The following PCDHGA7 variants were observed in gnomAD, a reference collection of about 807,000 sequenced individuals.
The protein encoded by PCDHGA7 is protocadherin gamma subfamily A, 7, also known as protocadherin gamma-A7.
In PCDHGA7, 44 loss-of-function variants were observed where a neutral mutation model predicts 58.3. That is an observed-to-expected ratio of 0.75 (90% CI 0.59 to 0.97). The LOEUF (loss-of-function observed/expected upper bound fraction) is 0.97, where lower values mean the gene tolerates loss of function less well. PCDHGA7 is among the 50% of genes least tolerant of loss of function. The pLI is 0.00. For synonymous variants in PCDHGA7, 516 were observed against 504.2 expected, an observed-to-expected ratio of 1.02 and a Z score of -0.31; for missense variants, 1,266 against 1,188.7, an observed-to-expected ratio of 1.06 and a Z score of -0.96.
intron 1 of PCDHGA7, chr5:141,414,258 TG>T: frequency 6.2e-7 from 1 of 1,613,492 alleles, no homozygotes; most frequent in Non-Finnish European, 8.5e-7. Flanking sequence ...GTCCAGTGAC[TG>T]AAGATTCACC....
At chr5:141,447,549 A>T (rs1387130901) in intron 1 of PCDHGA7, among the ~76,000 whole-genome samples, 1 of 152,216 alleles carries the variant, frequency 6.6e-6, no homozygotes, top group Non-Finnish European at 1.5e-5. Context: ...TAATGTTATG[A>T]GTACACTTGG....
chr5:141,499,423 G>GA (rs1229901490), intron 2 of PCDHGA7, among the ~76,000 whole-genome samples: 1 of 151,754 alleles, frequency 6.6e-6, no homozygotes, highest in Non-Finnish European at 1.5e-5. Flanking sequence ...ATGAAAAATA[G>GA]AAAAAAAATT....
chr5:141,422,836 G>A, intron 1 of PCDHGA7: 1 of 1,614,250 alleles, frequency 6.2e-7, no homozygotes, highest in Middle Eastern at 1.6e-4. Flanking sequence ...GATAGCACGT[G>A]ACAGCGGGGA....
intron 1 of PCDHGA7, chr5:141,409,843 C>G: frequency 6.2e-7 from 1 of 1,611,804 alleles, no homozygotes; most frequent in Non-Finnish European, 8.5e-7. Context: ...CCAACGTGAG[C>G]CTGCGCGTGT....
chr5:141,400,858 G>A (rs1332975731), intron 1 of PCDHGA7, among the ~76,000 whole-genome samples: 1 of 152,108 alleles, frequency 6.6e-6, no homozygotes, highest in Non-Finnish European at 1.5e-5. Context: ...TTTATTGTAT[G>A]TAGATAAACC....
chr5:141,503,547 C>T (rs545918096), intron 2 of PCDHGA7, among the ~76,000 whole-genome samples: 22 of 147,734 alleles, frequency 1.5e-4, no homozygotes, highest in African/African-American at 4.8e-4. Flanking sequence ...TGCAGTGAGC[C>T]GAGATCGCGC....
At chr5:141,389,751 G>A (rs755499740) in intron 1 of PCDHGA7, 1 of 1,612,800 alleles carries the variant, frequency 6.2e-7, no homozygotes, top group Non-Finnish European at 8.5e-7. Flanking sequence ...GCGCACGGGC[G>A]AAGTGCGCAC....
At position 141,477,130 on chromosome 5, in the gene PCDHGA7, G is replaced by C; in HGVS notation, c.2425-17677G>C. On this transcript the variant is annotated intron_variant, in intron 1 of 3. Coordinates refer to ENST00000518325, the MANE Select transcript of PCDHGA7 (RefSeq NM_018920.4). The surrounding 1 kb of genome is among the most constrained non-coding windows in gnomAD (Gnocchi z 4.9). ...ATCCCGAAGGAGCACATTGCAAAGT[G>C]TTGGTGGAGGTTGTGGATGTGAATG... 6.2e-7 allele frequency: 1 copy of C among 1,614,252 alleles called. No individual in the cohort carries two copies. The highest frequency in any genetic ancestry group is 2.2e-5 in the East Asian group (1 of 44,888).
chr5:141,422,976 G>A lies in PCDHGA7; in HGVS notation c.2424+37653G>A, dbSNP rs558006468. On this transcript the variant is annotated intron_variant, in intron 1 of 3. Transcript: ENST00000518325. The stretch of plus-strand genomic sequence containing the variant: ...GCGTGGAGCTGGCGCCCCGCTCTGC[G>A]GAACCTGGCTACCTGGTGACCAAGG... 27 of 1,614,212 alleles carry A rather than the reference G, an allele frequency of 1.7e-5. No homozygotes were observed. In the East Asian group the frequency reaches 4.7e-4, roughly 28 times the overall value.
chr5:141,458,933 A>G (rs920768063), intron 1 of PCDHGA7, among the ~76,000 whole-genome samples: 3 of 151,912 alleles, frequency 2.0e-5, no homozygotes, highest in Admixed American at 6.6e-5. Flanking sequence ...GGGTCTCACT[A>G]TGTTGCTTAG....
intron 1 of PCDHGA7, chr5:141,415,585 C>T: frequency 6.2e-7 from 1 of 1,613,900 alleles, no homozygotes; most frequent in Non-Finnish European, 8.5e-7. Context: ...TTCGAAGTTT[C>T]CTATAGAGGA....
At chr5:141,422,058 A>G (rs1015726657) in intron 1 of PCDHGA7, 3 of 1,611,890 alleles carry the variant, frequency 1.9e-6, no homozygotes, top group African/African-American at 2.7e-5. Flanking sequence ...TCAACGGGGA[A>G]GTAATGTATT....
intron 1 of PCDHGA7, 78 bp from the exon 2 acceptor site, chr5:141,494,729 C>CG: frequency 6.2e-7 from 1 of 1,610,168 alleles, no homozygotes; most frequent in South Asian, 1.1e-5. Context: ...CCTTCTCTCC[C>CG]GGCCCATCCC....
intron 1 of PCDHGA7, among the ~76,000 whole-genome samples, chr5:141,463,911 T>C (rs749224024): frequency 6.6e-6 from 1 of 152,156 alleles, no homozygotes; most frequent in African/African-American, 2.4e-5. Context: ...TAATAATATA[T>C]CCTGGAAATC....
chr5:141,495,726 C>T (rs2099763293), intron 2 of PCDHGA7, among the ~76,000 whole-genome samples: 1 of 152,070 alleles, frequency 6.6e-6, no homozygotes, highest in Non-Finnish European at 1.5e-5. Flanking sequence ...ACACGGGACC[C>T]TTAGTCTCTT....
In PCDHGA7 at chr5:141,414,189, G is replaced by C. The variant is rs1674006167; in HGVS notation, c.2424+28866G>C. ...CATATCTTGCAACTGCAAAAGTGTT[G>C]ATTACAGTAGAAGATGTAAATGACA... On this transcript the variant is annotated intron_variant, in intron 1 of 3. Transcript: ENST00000518325. 3.1e-6 allele frequency: 5 copies of C among 1,609,966 alleles called. No homozygotes were observed. The highest frequency in any genetic ancestry group is 3.4e-6 in the Non-Finnish European group (4 of 1,177,924).
At chr5:141,415,023 C>A (rs1213037511) in intron 1 of PCDHGA7, 1 of 1,613,530 alleles carries the variant, frequency 6.2e-7, no homozygotes, top group East Asian at 2.2e-5. Flanking sequence ...TCAAGGCCAG[C>A]GAGCCGGGAC....
At chr5:141,414,106 C>G (rs1424739885) in intron 1 of PCDHGA7, 2 of 1,592,536 alleles carry the variant, frequency 1.3e-6, no homozygotes, top group Non-Finnish European at 1.7e-6. Context: ...ATCAGAAAAT[C>G]TAGATTATGA....
chr5:141,431,227 C>G lies in PCDHGA7; in HGVS notation c.2424+45904C>G. ...CTGAGATGCGGTTCCCTCTACCCCA[C>G]GCCTGGGATCCGGATATCGGGAAGA... On this transcript the variant is annotated intron_variant, in intron 1 of 3. Coordinates refer to ENST00000518325, the MANE Select transcript of PCDHGA7 (RefSeq NM_018920.4). This position sits in a 1 kb window ranked among gnomAD's most constrained non-coding sequence, Gnocchi z 4.8. 6.2e-7 allele frequency: 1 copy of G among 1,614,180 alleles called. No individual in the cohort carries two copies. Among genetic ancestry groups the G allele is most frequent in the Non-Finnish European group, 8.5e-7 (1 of 1,180,042 alleles).
Sources: allele counts gnomAD v4.1 joint callset (sites outside exome capture counted in the v4.1 genomes callset), GRCh38; gene constraint gnomAD v4.1.1; non-coding constraint Gnocchi (gnomAD v3.1); transcripts MANE v1.5; gene names NCBI Gene and HGNC (gene_info 2026-07-23, HGNC 2026-07-21).